Variants in QTGAL observed in about 807,000 individuals in gnomAD.
The protein encoded by QTGAL is queuosine-tRNA galactosyltransferase.
the QTGAL span, among the ~76,000 whole-genome samples, chr17:82,955,240 A>G: frequency 6.6e-6 from 1 of 152,232 alleles, no homozygotes; most frequent in Admixed American, 6.5e-5. Context: ...CAAAGGTCTA[A>G]TATACAGGAT....
the QTGAL span, among the ~76,000 whole-genome samples, chr17:83,022,260 C>G: frequency 2.0e-5 from 3 of 151,090 alleles, no homozygotes; most frequent in Admixed American, 6.6e-5. Context: ...AGTGTGAACT[C>G]ACATGAGCTT....
At chr17:83,009,647 G>A in the QTGAL span, among the ~76,000 whole-genome samples, 28 of 152,156 alleles carry the variant, frequency 1.8e-4, no homozygotes, top group Admixed American at 1.8e-3. Context: ...CGAGACCTTC[G>A]ATGGGCAGCG....
chr17:82,996,652 A>C, the QTGAL span, among the ~76,000 whole-genome samples: 1 of 152,220 alleles, frequency 6.6e-6, no homozygotes, highest in African/African-American at 2.4e-5. Context: ...CTTAGACTAC[A>C]GAGCTATAGC....
chr17:83,024,830 G>T, the QTGAL span, among the ~76,000 whole-genome samples: 1 of 152,248 alleles, frequency 6.6e-6, no homozygotes, highest in South Asian at 2.1e-4. Flanking sequence ...TGGCCACGGG[G>T]CCTGGGCCGT....
the QTGAL span, among the ~76,000 whole-genome samples, chr17:82,977,824 T>C: frequency 3.1e-4 from 47 of 152,332 alleles, no homozygotes; most frequent in Admixed American, 2.9e-3. Flanking sequence ...GTTTTCACGC[T>C]GCCCATGTCA....
the QTGAL span, among the ~76,000 whole-genome samples, chr17:83,014,858 G>C: frequency 6.6e-6 from 1 of 152,238 alleles, no homozygotes; most frequent in Non-Finnish European, 1.5e-5. Flanking sequence ...CAACAACCTC[G>C]TCAGCCATCA....
chr17:83,023,685 A>G, the QTGAL span, among the ~76,000 whole-genome samples: 1 of 152,218 alleles, frequency 6.6e-6, no homozygotes, highest in Non-Finnish European at 1.5e-5. Flanking sequence ...CACCCAAGAC[A>G]AAGCACGTGG....
At chr17:82,958,238 C>T in the QTGAL span, among the ~76,000 whole-genome samples, 18 of 152,228 alleles carry the variant, frequency 1.2e-4, no homozygotes, top group East Asian at 1.2e-3. Flanking sequence ...CAGAGGCCAA[C>T]GGGGCCAGAA....
At chr17:82,965,618 G>A in the QTGAL span, 1 of 1,554,446 alleles carries the variant, frequency 6.4e-7, no homozygotes, top group Non-Finnish European at 8.7e-7. Flanking sequence ...CCGAACCTGG[G>A]GGAGGGACCT....
the QTGAL span, chr17:82,944,296 T>A: frequency 2.0e-5 from 3 of 152,180 alleles, no homozygotes; most frequent in Admixed American, 1.3e-4. Context: ...CATCCATCAC[T>A]GGGGCACTTG....
At chr17:83,040,489 G>A in the QTGAL span, among the ~76,000 whole-genome samples, 1 of 152,124 alleles carries the variant, frequency 6.6e-6, no homozygotes, top group Non-Finnish European at 1.5e-5. Context: ...GGTGAATGAA[G>A]AAACCTGAAC....
the QTGAL span, chr17:82,948,608 T>C: frequency 1.3e-5 from 2 of 152,358 alleles, no homozygotes; most frequent in African/African-American, 4.8e-5. Context: ...TCTGCTCACA[T>C]GAACTACAAA....
chr17:83,008,359 C>T, the QTGAL span, among the ~76,000 whole-genome samples: 1 of 152,240 alleles, frequency 6.6e-6, no homozygotes, highest in African/African-American at 2.4e-5. Context: ...TGGAGTTGAT[C>T]CCAACAAGCA....
At chr17:82,968,901 A>C in the QTGAL span, among the ~76,000 whole-genome samples, 1 of 152,100 alleles carries the variant, frequency 6.6e-6, no homozygotes, top group Non-Finnish European at 1.5e-5. Context: ...TGGGAGGCTG[A>C]GGTGGGCGGA....
chr17:83,036,158 A>G, the QTGAL span, among the ~76,000 whole-genome samples: 2 of 152,232 alleles, frequency 1.3e-5, no homozygotes, highest in Non-Finnish European at 2.9e-5. Context: ...AAAACTGGGA[A>G]CTACCCAAGT....
At chr17:83,015,755 CA>C in the QTGAL span, among the ~76,000 whole-genome samples, 1 of 152,236 alleles carries the variant, frequency 6.6e-6, no homozygotes. The surrounding 1 kb of genome is among the most constrained non-coding windows in gnomAD (Gnocchi z 4.4). Context: ...CACAGGAGCG[CA>C]AACCCTACTG....
At chr17:83,044,048 G>A in the QTGAL span, among the ~76,000 whole-genome samples, 1 of 152,172 alleles carries the variant, frequency 6.6e-6, no homozygotes, top group African/African-American at 2.4e-5. Flanking sequence ...TGACCTCACT[G>A]ATGAATTCCA....
chr17:83,008,747 G>A, the QTGAL span, among the ~76,000 whole-genome samples: 5 of 152,326 alleles, frequency 3.3e-5, no homozygotes, highest in African/African-American at 7.2e-5. Context: ...GAGAGAAAGC[G>A]CCCAGCCCGG....
the QTGAL span, among the ~76,000 whole-genome samples, chr17:83,024,271 G>A: frequency 6.6e-6 from 1 of 152,198 alleles, no homozygotes; most frequent in Non-Finnish European, 1.5e-5. Flanking sequence ...CTCAGCGGCA[G>A]CCTCCGCCCG....
Sources: gnomAD v4.1 joint callset for allele counts (sites outside exome capture counted in the v4.1 genomes callset) on GRCh38, gnomAD v4.1.1 for gene constraint, Gnocchi (gnomAD v3.1) non-coding constraint, MANE v1.5 for transcripts, NCBI Gene and HGNC (gene_info 2026-07-23, HGNC 2026-07-21) for gene names.